The following OTUD7A variants were observed in gnomAD, a reference collection of about 807,000 sequenced individuals.
OTUD7A encodes the protein OTU domain-containing protein 7A.
Under a neutral mutation model 65.7 loss-of-function variants are expected in OTUD7A, and 12 were observed. That is an observed-to-expected ratio of 0.18 (90% CI 0.12 to 0.30). OTUD7A has a LOEUF of 0.30. Ranked by LOEUF, OTUD7A falls within the 10% of genes least tolerant of loss-of-function variation. The pLI is 1.00. For synonymous variants in OTUD7A, 641 were observed against 586.3 expected, an observed-to-expected ratio of 1.09 and a Z score of -1.35; for missense variants, 1,148 against 1,304.8, an observed-to-expected ratio of 0.88 and a Z score of 1.85.
intron 1 of OTUD7A, among the ~76,000 whole-genome samples, chr15:31,783,458 C>A (rs932660914): frequency 3.3e-5 from 5 of 152,310 alleles, no homozygotes; most frequent in African/African-American, 1.2e-4. Context: ...CAAATTAAGG[C>A]AATAGCAACC....
chr15:31,732,643 T>C (rs1273594735), intron 1 of OTUD7A, among the ~76,000 whole-genome samples: 1 of 152,210 alleles, frequency 6.6e-6, no homozygotes, highest in South Asian at 2.1e-4. Flanking sequence ...ACTTCCCAAG[T>C]TTCCTATGTA....
At chr15:31,552,081 G>C (rs557709818) in intron 5 of OTUD7A, among the ~76,000 whole-genome samples, 1 of 152,196 alleles carries the variant, frequency 6.6e-6, no homozygotes, top group East Asian at 1.9e-4. Flanking sequence ...TTGTTCTATT[G>C]GTTCCCATGA....
At chr15:31,725,063 C>T (rs1893845770) in intron 1 of OTUD7A, among the ~76,000 whole-genome samples, 1 of 152,164 alleles carries the variant, frequency 6.6e-6, no homozygotes, top group Non-Finnish European at 1.5e-5. Flanking sequence ...AGACCTGGGA[C>T]TGCTCCAGAC....
chr15:31,502,740 C>A (rs58470543), intron 9 of OTUD7A, among the ~76,000 whole-genome samples: 5 of 152,168 alleles, frequency 3.3e-5, no homozygotes, highest in Non-Finnish European at 5.9e-5. Context: ...CCTGGGCTTA[C>A]GCAGCAGTGC....
intron 1 of OTUD7A, among the ~76,000 whole-genome samples, chr15:31,744,053 A>T (rs1317718477): frequency 6.6e-6 from 1 of 152,220 alleles, no homozygotes; most frequent in Admixed American, 6.5e-5. Flanking sequence ...ACTAAATGTG[A>T]CATAAAAGGA....
At chr15:31,754,759 G>A (rs1284996327) in intron 1 of OTUD7A, among the ~76,000 whole-genome samples, 2 of 152,132 alleles carry the variant, frequency 1.3e-5, no homozygotes, top group Non-Finnish European at 2.9e-5. Flanking sequence ...GTGACTATGG[G>A]CTTATAGTAT....
chr15:31,542,564 G>T (rs1888016998), intron 5 of OTUD7A, among the ~76,000 whole-genome samples: 1 of 151,750 alleles, frequency 6.6e-6, no homozygotes, highest in Non-Finnish European at 1.5e-5. Flanking sequence ...ATTCAGAAAG[G>T]CATGAATCAG....
chr15:31,608,398 AAAGAT>A, intron 3 of OTUD7A, among the ~76,000 whole-genome samples: 1 of 152,230 alleles, frequency 6.6e-6, no homozygotes, highest in Non-Finnish European at 1.5e-5. Context: ...AAATAAAGTG[AAAGAT>A]AAGTTCAGAA....
chr15:31,731,176 G>T (rs1595732613), intron 1 of OTUD7A, among the ~76,000 whole-genome samples: 1 of 152,178 alleles, frequency 6.6e-6, no homozygotes, highest in East Asian at 1.9e-4. Flanking sequence ...TTCTCTAAAG[G>T]GTGATCTCTT....
chr15:31,662,290 A>G (rs565048032), intron 1 of OTUD7A, among the ~76,000 whole-genome samples: 11 of 152,360 alleles, frequency 7.2e-5, no homozygotes, highest in African/African-American at 2.6e-4. Flanking sequence ...CACCTAATAG[A>G]AAAGGCAAGA....
At chr15:31,813,606 C>T (rs1003074822) in intron 1 of OTUD7A, among the ~76,000 whole-genome samples, 3 of 152,174 alleles carry the variant, frequency 2.0e-5, no homozygotes, top group African/African-American at 7.2e-5. Context: ...ATGTTGCAGG[C>T]CTTCTCAGAG....
chr15:31,614,281 A>G (rs989942336), intron 3 of OTUD7A, among the ~76,000 whole-genome samples: 4 of 150,212 alleles, frequency 2.7e-5, no homozygotes, highest in African/African-American at 9.9e-5. Context: ...CACGACCTGC[A>G]CCCCAATAAC....
intron 1 of OTUD7A, among the ~76,000 whole-genome samples, chr15:31,760,957 C>A (rs1273449144): frequency 6.6e-6 from 1 of 151,648 alleles, no homozygotes; most frequent in African/African-American, 2.4e-5. Context: ...AAATAATGGT[C>A]GGGCAACTTA....
intron 1 of OTUD7A, among the ~76,000 whole-genome samples, chr15:31,858,167 G>A (rs1384993550): frequency 6.6e-6 from 1 of 152,170 alleles, no homozygotes; most frequent in East Asian, 1.9e-4. Flanking sequence ...GGCCCGAGCA[G>A]CCCGCTGAGG....
intron 3 of OTUD7A, among the ~76,000 whole-genome samples, chr15:31,603,018 CAAAGT>C (rs1595646480): frequency 6.6e-6 from 1 of 152,214 alleles, no homozygotes; most frequent in Non-Finnish European, 1.5e-5. Flanking sequence ...CCATACTGCC[CAAAGT>C]AATTTATAGA....
At chr15:31,541,181 A>G (rs900178268) in intron 5 of OTUD7A, among the ~76,000 whole-genome samples, 15 of 152,150 alleles carry the variant, frequency 9.9e-5, no homozygotes, top group African/African-American at 3.6e-4. Flanking sequence ...TTCATTGGTT[A>G]GATTGTAGTA....
chr15:31,767,525 A>G, intron 1 of OTUD7A: 1 of 771,800 alleles, frequency 1.3e-6, no homozygotes. Context: ...TAACTACTCC[A>G]TGTTTACTTG....
intron 1 of OTUD7A, among the ~76,000 whole-genome samples, chr15:31,811,424 T>C (rs1896412052): frequency 2.0e-5 from 3 of 151,774 alleles, no homozygotes; most frequent in Non-Finnish European, 4.4e-5. Context: ...TCTGTGTGTG[T>C]GGTATGTGTG....
intron 1 of OTUD7A, among the ~76,000 whole-genome samples, chr15:31,685,526 G>T (rs1450013906): frequency 2.0e-5 from 3 of 152,058 alleles, no homozygotes; most frequent in Non-Finnish European, 4.4e-5. Flanking sequence ...GGGCGTGGTG[G>T]CGGGCGCCTG....
Sources: gnomAD v4.1 joint callset for allele counts (sites outside exome capture counted in the v4.1 genomes callset) on GRCh38, gnomAD v4.1.1 for gene constraint, MANE v1.5 for transcripts, NCBI Gene and HGNC (gene_info 2026-07-23, HGNC 2026-07-21) for gene names.